Variants in AHCYL2 observed in about 807,000 individuals in gnomAD.
The protein encoded by AHCYL2 is adenosylhomocysteinase like 2.
Under a neutral mutation model 81.4 loss-of-function variants are expected in AHCYL2, and 28 were observed. The observed-to-expected ratio is 0.34, with a 90% CI of 0.25 to 0.47. AHCYL2 has a LOEUF of 0.47. Among genes scored for constraint, AHCYL2 ranks in the 20% least tolerant of loss-of-function variants. AHCYL2 has a pLI of 1.00. For synonymous variants in AHCYL2, 272 were observed against 290.2 expected, an observed-to-expected ratio of 0.94 and a Z score of 0.64; for missense variants, 551 against 785.1, an observed-to-expected ratio of 0.70 and a Z score of 3.56.
intron 1 of AHCYL2, among the ~76,000 whole-genome samples, chr7:129,272,030 T>C (rs1028155163): frequency 6.6e-6 from 1 of 152,188 alleles, no homozygotes; most frequent in Admixed American, 6.5e-5. Context: ...TTCTGGGACT[T>C]TCAAGGCCAG....
intron 11 of AHCYL2, among the ~76,000 whole-genome samples, chr7:129,411,083 T>C (rs1386580391): frequency 6.6e-6 from 1 of 151,852 alleles, no homozygotes; most frequent in African/African-American, 2.4e-5. Context: ...TTTTTTTTTT[T>C]AATTGCTTTT....
At chr7:129,239,182 G>A (rs1314938914) in intron 1 of AHCYL2, among the ~76,000 whole-genome samples, 1 of 152,106 alleles carries the variant, frequency 6.6e-6, no homozygotes, top group African/African-American at 2.4e-5. Flanking sequence ...AATCTATATG[G>A]GAGGTCTAAT....
At chr7:129,402,054 G>A (rs927361474) in intron 6 of AHCYL2, among the ~76,000 whole-genome samples, 2 of 152,214 alleles carry the variant, frequency 1.3e-5, no homozygotes, top group Non-Finnish European at 2.9e-5. Flanking sequence ...ACTGTCTCTA[G>A]TGGATAAGAA....
At chr7:129,252,351 A>G (rs1795273513) in intron 1 of AHCYL2, among the ~76,000 whole-genome samples, 1 of 152,260 alleles carries the variant, frequency 6.6e-6, no homozygotes. Flanking sequence ...GATACTTGAC[A>G]GTTTTAAAGC....
intron 1 of AHCYL2, among the ~76,000 whole-genome samples, chr7:129,358,909 G>A (rs1004419343): frequency 5.3e-5 from 8 of 152,114 alleles, no homozygotes; most frequent in Non-Finnish European, 8.8e-5. Context: ...CTTGCTGGTA[G>A]GAATATAAAC....
At chr7:129,309,816 C>T (rs906639691) in intron 1 of AHCYL2, among the ~76,000 whole-genome samples, 13 of 151,514 alleles carry the variant, frequency 8.6e-5, no homozygotes, top group Non-Finnish European at 1.2e-4. Flanking sequence ...TTTAATTTTA[C>T]GTTGGTTGGT....
intron 1 of AHCYL2, among the ~76,000 whole-genome samples, chr7:129,302,526 A>G (rs1563188010): frequency 1.3e-5 from 2 of 152,234 alleles, no homozygotes; most frequent in Admixed American, 6.5e-5. Flanking sequence ...ATGCTGAGGT[A>G]TGTTTCTTCT....
At chr7:129,384,592 C>T (rs1274460029) in intron 2 of AHCYL2, among the ~76,000 whole-genome samples, 1 of 151,970 alleles carries the variant, frequency 6.6e-6, no homozygotes, top group African/African-American at 2.4e-5. Flanking sequence ...CTTTCCTGTC[C>T]AAAGTGCTTG....
At chr7:129,403,533 A>G in intron 7 of AHCYL2, 48 bp downstream of exon 7, 1 of 1,367,790 alleles carries the variant, frequency 7.3e-7, no homozygotes, top group Non-Finnish European at 1.0e-6. Flanking sequence ...CTAGACATAA[A>G]ATCTTATAAA....
chr7:129,381,268 A>G (rs945140687), intron 2 of AHCYL2, among the ~76,000 whole-genome samples: 2 of 152,158 alleles, frequency 1.3e-5, no homozygotes, highest in African/African-American at 2.4e-5. Flanking sequence ...ATATCCAACT[A>G]TATTCCTGCA....
chr7:129,246,871 T>C (rs1236390580), intron 1 of AHCYL2, among the ~76,000 whole-genome samples: 2 of 152,210 alleles, frequency 1.3e-5, no homozygotes, highest in African/African-American at 2.4e-5. Context: ...TGTAATGTTT[T>C]TGAGGTTCAT....
At chr7:129,384,908 T>C (rs550409898) in intron 2 of AHCYL2, among the ~76,000 whole-genome samples, 53 of 152,342 alleles carry the variant, frequency 3.5e-4, no homozygotes, top group African/African-American at 1.2e-3. Context: ...AACGCTGCAT[T>C]AATCCACGAA....
At chr7:129,280,699 T>G (rs1218733964) in intron 1 of AHCYL2, among the ~76,000 whole-genome samples, 1 of 152,004 alleles carries the variant, frequency 6.6e-6, no homozygotes, top group Admixed American at 6.6e-5. Context: ...AGCTGTTGTT[T>G]TTTTTTTAGA....
Position 129,368,349 on chromosome 7 carries a change from G to C in AHCYL2, c.364-11289G>C. 1 of 1,478,902 alleles carries C rather than the reference G, an allele frequency of 6.8e-7. No homozygotes were observed. The highest frequency in any genetic ancestry group is 9.0e-7 in the Non-Finnish European group (1 of 1,114,324). The allele number at this position is 1,478,902 out of a possible 1,614,324, so 91.6% of individuals were successfully genotyped here. On this transcript the variant is annotated intron_variant, in intron 1 of 16. Coordinates refer to ENST00000325006, the MANE Select transcript of AHCYL2 (RefSeq NM_015328.4). The surrounding 1 kb of genome is among the most constrained non-coding windows in gnomAD (Gnocchi z 4.4). ...CTCTTGATTTGAATCGGAGGCTGCT[G>C]TGAAAAGGGATGCAGCTTCTGCTAG...
At chr7:129,267,233 GT>G (rs1563173079) in intron 1 of AHCYL2, among the ~76,000 whole-genome samples, 68 of 103,480 alleles carry the variant, frequency 6.6e-4, no homozygotes, top group Middle Eastern at 4.6e-3. Flanking sequence ...CTCAAGGGGT[GT>G]GTGTGTGTGT....
chr7:129,388,725 C>T (rs1795314505), intron 2 of AHCYL2: 2 of 218,154 alleles, frequency 9.2e-6, no homozygotes, highest in Admixed American at 5.5e-5. Flanking sequence ...ATCCCAAAAA[C>T]CCATATGTTA....
Position 129,269,030 on chromosome 7 carries a change from A to G in AHCYL2, c.363+43591A>G, listed in dbSNP as rs113997640. On this transcript the variant is annotated intron_variant, in intron 1 of 16. Coordinates refer to ENST00000325006, the MANE Select transcript of AHCYL2 (RefSeq NM_015328.4). The stretch of plus-strand genomic sequence containing the variant: ...TCTGGACGTTTCATATAATTTGCCT[A>G]TTCTGGACATTTCATATAAATGGGA... 4.8e-3 allele frequency among the ~76,000 whole-genome samples: 727 copies of G among 152,164 alleles called. 6 individuals carry two copies. Among genetic ancestry groups the G allele is most frequent in the African/African-American group, 0.017 (698 of 41,506 alleles).
rs1794205211 is a variant in AHCYL2, at chr7:129,368,369, T to C, written c.364-11269T>C. The C allele has an allele frequency of 5.9e-6, 9 of 1,527,886 alleles. No homozygotes were observed. The South Asian group carries it at 1.2e-4, about 20-fold the overall frequency. 94.6% of individuals were successfully genotyped at this position (1,527,886 alleles called of 1,614,324 possible). On this transcript the variant is annotated intron_variant, in intron 1 of 16. Coordinates refer to ENST00000325006, the MANE Select transcript of AHCYL2 (RefSeq NM_015328.4). This position sits in a 1 kb window ranked among gnomAD's most constrained non-coding sequence, Gnocchi z 4.4. ...CTGCTGTGAAAAGGGATGCAGCTTC[T>C]GCTAGCCACTGTGAACTTCTGAATC...
chr7:129,396,173 A>G (rs1367763165), intron 4 of AHCYL2, among the ~76,000 whole-genome samples: 1 of 152,172 alleles, frequency 6.6e-6, no homozygotes, highest in Non-Finnish European at 1.5e-5. Context: ...CCCAGGCTGG[A>G]CTGCAGTGGC....
Sources: gnomAD v4.1 joint callset for allele counts (sites outside exome capture counted in the v4.1 genomes callset) on GRCh38, gnomAD v4.1.1 for gene constraint, Gnocchi (gnomAD v3.1) non-coding constraint, MANE v1.5 for transcripts, NCBI Gene and HGNC (gene_info 2026-07-23, HGNC 2026-07-21) for gene names.